INSYN2B: variants seen among roughly 807,000 people sequenced by gnomAD.
INSYN2B encodes protein INSYN2B.
In INSYN2B, 16 loss-of-function variants were observed where a neutral mutation model predicts 41.2. That is an observed-to-expected ratio of 0.39 (90% CI 0.26 to 0.59). The LOEUF (loss-of-function observed/expected upper bound fraction) is 0.59, where lower values mean the gene tolerates loss of function less well. Ranked by LOEUF, INSYN2B falls within the 20% of genes least tolerant of loss-of-function variation. The pLI, the probability that INSYN2B is intolerant of heterozygous loss-of-function variation, is 0.57. For missense variants in INSYN2B, 608 were observed against 646.4 expected (o/e 0.94, Z 0.64); for synonymous variants, 245 against 244.4 (o/e 1.00, Z -0.02).
intron 1 of INSYN2B, among the ~76,000 whole-genome samples, chr5:169,909,103 T>G (rs997686922): frequency 6.6e-6 from 1 of 152,218 alleles, no homozygotes; most frequent in Non-Finnish European, 1.5e-5. Context: ...GGAGAGTCTG[T>G]GGATGATTTC....
rs563175946 is a variant in INSYN2B at position 169,912,441 on chromosome 5, A to C, written c.-918-27625T>G. On this transcript the variant is annotated intron_variant, in intron 1 of 3. Coordinates refer to ENST00000377365, the MANE Select transcript of INSYN2B (RefSeq NM_001129891.3). ...GGGTCTTTAATAGTCTTAGCCACACACAAATTCATCTTTTGGCACGTGTAT... is the reference window on the plus strand; with the variant it reads ...GGGTCTTTAATAGTCTTAGCCACACCCAAATTCATCTTTTGGCACGTGTAT... Among the ~76,000 whole-genome samples the C allele has an allele frequency of 5.9e-5, 9 of 152,308 alleles. No homozygotes were observed. In the East Asian group the frequency reaches 1.7e-3, roughly 29 times the overall value.
rs139852699 is a variant in INSYN2B, at chr5:169,899,723, C to A, written c.-918-14907G>T. 4.5e-4 allele frequency among the ~76,000 whole-genome samples: 68 copies of A among 152,286 alleles called. 2 individuals carry two copies. The highest frequency in any genetic ancestry group is 3.4e-3 in the Middle Eastern group (1 of 294). ...CATCCAAAGTGAGACTTTCAATGTT[C>A]CTTTCCATTCCTTGTTGGCATACAA... On this transcript the variant is annotated intron_variant, in intron 1 of 3. Coordinates refer to ENST00000377365, the MANE Select transcript of INSYN2B (RefSeq NM_001129891.3).
chr5:169,902,427 C>T (rs1295651758), intron 1 of INSYN2B, among the ~76,000 whole-genome samples: 2 of 152,192 alleles, frequency 1.3e-5, no homozygotes, highest in African/African-American at 4.8e-5. Flanking sequence ...AGTGAATAGT[C>T]CAGCAGGGCC....
intron 1 of INSYN2B, among the ~76,000 whole-genome samples, chr5:169,968,991 ATTTTGAAAAATAG>A (rs1371066436): frequency 6.6e-6 from 1 of 152,202 alleles, no homozygotes; most frequent in Non-Finnish European, 1.5e-5. Context: ...TCTACAAAAA[ATTTTGAAAAATAG>A]CCTGATGTGG....
At chr5:169,955,927 C>T (rs1352296599) in intron 1 of INSYN2B, among the ~76,000 whole-genome samples, 2 of 151,932 alleles carry the variant, frequency 1.3e-5, no homozygotes, top group Non-Finnish European at 2.9e-5. Context: ...GCCAAGTGTG[C>T]TTTGGGCAAC....
At chr5:169,966,062 A>G (rs1284513478) in intron 1 of INSYN2B, among the ~76,000 whole-genome samples, 2 of 152,234 alleles carry the variant, frequency 1.3e-5, no homozygotes, top group Admixed American at 1.3e-4. Flanking sequence ...TTCCTTTGCA[A>G]TATTCTGCCA....
intron 1 of INSYN2B, among the ~76,000 whole-genome samples, chr5:169,901,512 C>T (rs1773923020): frequency 6.6e-6 from 1 of 151,904 alleles, no homozygotes; most frequent in Non-Finnish European, 1.5e-5. Flanking sequence ...TCTGGTTTTT[C>T]TGAGAAAATG....
intron 1 of INSYN2B, among the ~76,000 whole-genome samples, chr5:169,893,698 A>G (rs77663986): frequency 0.016 from 2,412 of 152,280 alleles, 61 homozygotes; most frequent in African/African-American, 0.054. Context: ...CTCCATCCAG[A>G]AAAAAACAAC....
At chr5:169,950,167 G>A (rs749578364) in intron 1 of INSYN2B, among the ~76,000 whole-genome samples, 12 of 152,150 alleles carry the variant, frequency 7.9e-5, no homozygotes, top group Middle Eastern at 3.4e-3. Flanking sequence ...AGGAGCCATC[G>A]TGGAAGGTGG....
chr5:169,903,186 AG>A (rs1277953236), intron 1 of INSYN2B, among the ~76,000 whole-genome samples: 1 of 151,700 alleles, frequency 6.6e-6, no homozygotes, highest in African/African-American at 2.4e-5. Flanking sequence ...CTGAGGTGGG[AG>A]GATCTTTTCA....
intron 1 of INSYN2B, among the ~76,000 whole-genome samples, chr5:169,963,343 G>A (rs1036741183): frequency 1.5e-4 from 23 of 152,160 alleles, no homozygotes; most frequent in Admixed American, 1.3e-3. Context: ...GGCATTGACA[G>A]GAACTCAATC....
At chr5:169,925,346 C>T (rs1775380779) in intron 1 of INSYN2B, among the ~76,000 whole-genome samples, 1 of 152,116 alleles carries the variant, frequency 6.6e-6, no homozygotes, top group South Asian at 2.1e-4. Context: ...TGTTGAGAGG[C>T]TGAGGTGGGC....
chr5:169,919,280 A>G (rs1374161055), intron 1 of INSYN2B, among the ~76,000 whole-genome samples: 3 of 152,204 alleles, frequency 2.0e-5, no homozygotes, highest in African/African-American at 7.2e-5. Context: ...GGCCCAAATG[A>G]GTCTCCTGAC....
At chr5:169,907,883 A>G (rs983799028) in intron 1 of INSYN2B, among the ~76,000 whole-genome samples, 3 of 152,200 alleles carry the variant, frequency 2.0e-5, no homozygotes, top group Non-Finnish European at 2.9e-5. Flanking sequence ...TAAACATCCT[A>G]CAACACACAG....
chr5:169,868,516 C>A (rs545038891), intron 3 of INSYN2B, among the ~76,000 whole-genome samples: 2 of 152,220 alleles, frequency 1.3e-5, no homozygotes, highest in East Asian at 3.9e-4. Flanking sequence ...CCCAGCACTT[C>A]GAAAGACCCA....
chr5:169,880,261 T>C (rs1424161371), intron 3 of INSYN2B, among the ~76,000 whole-genome samples: 1 of 152,200 alleles, frequency 6.6e-6, no homozygotes, highest in Non-Finnish European at 1.5e-5. Flanking sequence ...TGTAAGGAGC[T>C]GATGGGTTCA....
intron 1 of INSYN2B, among the ~76,000 whole-genome samples, chr5:169,926,030 T>G (rs1775432224): frequency 6.6e-6 from 1 of 152,146 alleles, no homozygotes; most frequent in African/African-American, 2.4e-5. Context: ...TGTCGTCAGC[T>G]CTGGTTAGTC....
intron 1 of INSYN2B, among the ~76,000 whole-genome samples, chr5:169,928,828 T>A (rs771671061): frequency 3.3e-5 from 5 of 152,224 alleles, no homozygotes; most frequent in Admixed American, 6.5e-5. Context: ...ACTACACAAG[T>A]AATTACTCAG....
chr5:169,863,824 T>C lies in INSYN2B; in HGVS notation c.*449A>G, dbSNP rs1771359689. Among the ~76,000 whole-genome samples, 1 of 152,258 alleles carries C rather than the reference T, an allele frequency of 6.6e-6. No individual in the cohort carries two copies. Among genetic ancestry groups the C allele is most frequent in the Non-Finnish European group, 1.5e-5 (1 of 68,048 alleles). The stretch of plus-strand genomic sequence containing the variant: ...AAACTGCCAGTTTATCTCATTTTTT[T>C]CTATGGTACCTGCTTATAACCTATA... On this transcript the variant is annotated 3_prime_UTR_variant, in exon 4 of 4. Transcript: ENST00000377365.
Sources: gnomAD v4.1 joint callset for allele counts (sites outside exome capture counted in the v4.1 genomes callset) on GRCh38, gnomAD v4.1.1 for gene constraint, MANE v1.5 for transcripts, NCBI Gene and HGNC (gene_info 2026-07-23, HGNC 2026-07-21) for gene names.